INPP5F: variants seen among roughly 807,000 people sequenced by gnomAD.
INPP5F encodes phosphatidylinositide 4-phosphatase SAC2.
Under a neutral mutation model 137.2 loss-of-function variants are expected in INPP5F, and 97 were observed. The observed-to-expected ratio is 0.71, with a 90% CI of 0.60 to 0.84. INPP5F has a LOEUF of 0.84. Among genes scored for constraint, INPP5F ranks in the 40% least tolerant of loss-of-function variants. The pLI is 0.00. For missense variants in INPP5F, 1,271 were observed against 1,371.9 expected, an observed-to-expected ratio of 0.93 and a Z score of 1.16; for synonymous variants, 504 against 476.9, an observed-to-expected ratio of 1.06 and a Z score of -0.74.
rs141464998 is a variant in INPP5F, at chr10:119,805,392, T to C, written c.1250T>C (p.Met417Thr). ...SFDFHEHCRG[M>T]KFENVQTLTD... The stretch of plus-strand genomic sequence containing the variant: ...TTTGGCATGGATTTTAGCCGAGGAA[T>C]GAAGTTTGAGAATGTTCAGACACTA... Residue 417 changes from methionine (M) to threonine (T), a missense_variant, in exon 11 of 20, where the codon ATG becomes ACG. By Grantham distance (81) the Met-to-Thr change is moderately conservative. Around this residue, in one of 6 missense-constraint regions of INPP5F, gnomAD observed 593 missense variants for 712.4 expected, o/e 0.83. Transcript: ENST00000650623. 475 of 1,611,992 alleles carry C rather than the reference T, an allele frequency of 2.9e-4. 1 individual carries two copies. The highest frequency in any genetic ancestry group is 3.7e-4 in the Non-Finnish European group (439 of 1,178,428).
chr10:119,800,289 C>A (rs1451353695), intron 9 of INPP5F, among the ~76,000 whole-genome samples: 2 of 151,726 alleles, frequency 1.3e-5, no homozygotes, highest in Non-Finnish European at 2.9e-5. Flanking sequence ...GGCGTGGTGG[C>A]TCACGCCTGT....
intron 2 of INPP5F, among the ~76,000 whole-genome samples, chr10:119,780,453 T>C (rs1849665292): frequency 6.6e-6 from 1 of 152,128 alleles, no homozygotes; most frequent in African/African-American, 2.4e-5. Flanking sequence ...GGTGTATGCC[T>C]GTGTTCCCAG....
chr10:119,790,162 G>A (rs952832251), intron 3 of INPP5F, among the ~76,000 whole-genome samples: 3 of 151,964 alleles, frequency 2.0e-5, no homozygotes, highest in Non-Finnish European at 2.9e-5. Context: ...GGAGTCGCTC[G>A]GGGGTGTGCA....
chr10:119,791,903 G>A lies in INPP5F; in HGVS notation c.479G>A (p.Arg160Lys), dbSNP rs1291557773. 2 of 1,611,916 alleles carry A rather than the reference G, an allele frequency of 1.2e-6. No individual in the cohort carries two copies. The highest frequency in any genetic ancestry group is 1.7e-5 in the Admixed American group (1 of 59,792). The part of the protein sequence containing the change: ...KESKEKEKLE[R>K]RLLEELLKMF... ...AGTAAAGAGAAGGAGAAGTTGGAGA[G>A]GAGATTACTTGAAGAGTTGCTGAAG... Residue 160 changes from arginine to lysine, a missense_variant, in exon 5 of 20, where the codon AGG becomes AAG. Physicochemically the swap from Arg to Lys is conservative, Grantham distance 26 (BLOSUM62 2). This residue lies in a region of INPP5F where 11 missense variants were observed against 33.9 expected (regional missense o/e 0.32). Coordinates refer to ENST00000650623, the MANE Select transcript of INPP5F (RefSeq NM_014937.4).
At chr10:119,742,523 G>T (rs1445083317) in intron 1 of INPP5F, among the ~76,000 whole-genome samples, 1 of 152,132 alleles carries the variant, frequency 6.6e-6, no homozygotes, top group African/African-American at 2.4e-5. Context: ...GTAGCAGTAG[G>T]GGTCAAGAGA....
intron 2 of INPP5F, among the ~76,000 whole-genome samples, chr10:119,755,022 A>C (rs897254274): frequency 1.3e-5 from 2 of 152,222 alleles, no homozygotes; most frequent in Non-Finnish European, 2.9e-5. Context: ...TTAATGCACA[A>C]ATTTTTCTTC....
chr10:119,758,222 G>C (rs1848907737), intron 2 of INPP5F, among the ~76,000 whole-genome samples: 1 of 152,202 alleles, frequency 6.6e-6, no homozygotes, highest in Admixed American at 6.5e-5. Context: ...TAACTGGGTG[G>C]AGCTGGTGCT....
At chr10:119,785,577 A>AGAGAGAGAGAGG (rs1483588180) in intron 3 of INPP5F, among the ~76,000 whole-genome samples, 2 of 151,342 alleles carry the variant, frequency 1.3e-5, no homozygotes, top group South Asian at 2.1e-4. Flanking sequence ...AGAGAGAGAG[A>AGAGAGAGAGAGG]GACTGAGACT....
At chr10:119,732,500 CTTTTTTTT>C (rs59388357) in intron 1 of INPP5F, among the ~76,000 whole-genome samples, 1 of 115,566 alleles carries the variant, frequency 8.7e-6, no homozygotes, top group Non-Finnish European at 1.7e-5. Context: ...TTTCTTTTTT[CTTTTTTTT>C]TTTTTTTTTG....
intron 2 of INPP5F, among the ~76,000 whole-genome samples, chr10:119,777,833 T>C (rs946018763): frequency 2.0e-5 from 3 of 152,112 alleles, no homozygotes; most frequent in African/African-American, 7.2e-5. Flanking sequence ...CCTTAAAACT[T>C]TGGAGTAAAT....
chr10:119,753,924 T>C (rs528997159), intron 2 of INPP5F, among the ~76,000 whole-genome samples: 5 of 152,280 alleles, frequency 3.3e-5, no homozygotes, highest in South Asian at 4.2e-4. Context: ...GATTACTTTA[T>C]TGGGGCAGCT....
chr10:119,791,986 G>A lies in INPP5F; in HGVS notation c.562G>A (p.Val188Met), dbSNP rs747381363. ...CTTGACCTATGACCTGACCAATTCC[G>A]TGCAGAGGCAGAGCACTGGGGAGAG... ...YSLTYDLTNS[V>M]QRQSTGERDG... The change falls in exon 5 of 20, where the codon GTG becomes ATG. Residue 188 changes from valine (V) to methionine (M), a missense_variant. Physicochemically the swap from Val to Met is conservative, Grantham distance 21. Transcript: ENST00000650623. 21 of 1,614,210 alleles carry A rather than the reference G, an allele frequency of 1.3e-5. No individual in the cohort carries two copies. The highest frequency in any genetic ancestry group is 2.2e-5 in the South Asian group (2 of 91,082).
At chr10:119,806,135 C>T (rs1850771612) in intron 11 of INPP5F, among the ~76,000 whole-genome samples, 1 of 151,948 alleles carries the variant, frequency 6.6e-6, no homozygotes, top group African/African-American at 2.4e-5. Context: ...TCTCTGCACC[C>T]CAGTTTTTTT....
At chr10:119,741,238 C>T (rs1347821355) in intron 1 of INPP5F, among the ~76,000 whole-genome samples, 1 of 152,204 alleles carries the variant, frequency 6.6e-6, no homozygotes, top group Non-Finnish European at 1.5e-5. Context: ...ACCTGGCTCT[C>T]TGGCTTCAGG....
Position 119,806,470 on chromosome 10 carries a change from T to G in INPP5F, c.1430T>G (p.Met477Arg). ...VVQAAIARVV[M>R]EQQLKKLGVM... ...CAAGCTGCCATCGCGAGAGTGGTCA[T>G]GGAACAGCAGGTAATTTGGAGTCTG... The change falls in exon 12 of 20, where the codon ATG becomes AGG. Residue 477 changes from methionine to arginine, a missense_variant. Physicochemically the swap from Met to Arg is moderately conservative, Grantham distance 91 (BLOSUM62 -1). Transcript: ENST00000650623. The G allele has an allele frequency of 6.2e-7, 1 of 1,603,392 alleles. No individual in the cohort carries two copies. The highest frequency in any genetic ancestry group is 2.2e-5 in the East Asian group (1 of 44,662).
intron 1 of INPP5F, among the ~76,000 whole-genome samples, chr10:119,732,481 C>CTTTTATT (rs1848103187): frequency 7.8e-6 from 1 of 128,420 alleles, no homozygotes; most frequent in African/African-American, 2.9e-5. Context: ...TTCTTGAGCA[C>CTTTTATT]TTTTCTTTTT....
chr10:119,735,567 A>G (rs1670603952), intron 1 of INPP5F, among the ~76,000 whole-genome samples: 1 of 152,198 alleles, frequency 6.6e-6, no homozygotes, highest in African/African-American at 2.4e-5. Context: ...ATCATTATAT[A>G]TTGTTTTTAT....
chr10:119,767,190 A>G (rs1314483287), intron 2 of INPP5F, among the ~76,000 whole-genome samples: 2 of 146,974 alleles, frequency 1.4e-5, no homozygotes, highest in African/African-American at 5.0e-5. Flanking sequence ...ATGGAGGGGT[A>G]GGAAGAAATG....
At position 119,828,178 on chromosome 10, in the gene INPP5F, G is replaced by T; in HGVS notation, c.*398G>T. Reference sequence around the variant, plus strand: ...TCTGTTTGTCAGTTCATTCCTGTGTGTTCTTACCTCTACAAAGTAAATTAC... The same window carrying T: ...TCTGTTTGTCAGTTCATTCCTGTGTTTTCTTACCTCTACAAAGTAAATTAC... On this transcript the variant is annotated 3_prime_UTR_variant, in exon 20 of 20. Transcript: ENST00000650623. 6.2e-6 allele frequency: 1 copy of T among 161,068 alleles called. No homozygotes were observed. Among genetic ancestry groups the T allele is most frequent in the Non-Finnish European group, 1.4e-5 (1 of 73,536 alleles). 10.0% of individuals were successfully genotyped at this position (161,068 alleles called of 1,614,324 possible).
Sources: gnomAD v4.1 joint callset for allele counts (sites outside exome capture counted in the v4.1 genomes callset) on GRCh38, gnomAD v4.1.1 for gene constraint, gnomAD v4.1.1 regional missense constraint, MANE v1.5 for transcripts, NCBI Gene and HGNC (gene_info 2026-07-23, HGNC 2026-07-21) for gene names.